Variants in SYNDIG1 observed in about 807,000 individuals in gnomAD.
The protein encoded by SYNDIG1 is synapse differentiation-inducing gene protein 1.
SYNDIG1 carries 9 observed loss-of-function variants against 19.4 expected under a neutral mutation model. The ratio of observed to expected loss-of-function variants is 0.46; its 90% CI spans 0.28 to 0.81. The LOEUF (loss-of-function observed/expected upper bound fraction) is 0.81. Ranked by LOEUF, SYNDIG1 falls within the 30% of genes least tolerant of loss-of-function variation. SYNDIG1 has a pLI of 0.12. For missense variants in SYNDIG1, 311 were observed against 343.3 expected (o/e 0.91, Z 0.74); for synonymous variants, 141 against 145.9 (o/e 0.97, Z 0.24).
intron 3 of SYNDIG1, among the ~76,000 whole-genome samples, chr20:24,663,751 A>G (rs62215351): frequency 0.075 from 11,494 of 152,280 alleles, 533 homozygotes; most frequent in Non-Finnish European, 0.098. Flanking sequence ...CAGCTGTAGC[A>G]GCTCCACCTT....
intron 2 of SYNDIG1, among the ~76,000 whole-genome samples, chr20:24,565,121 A>T (rs891114489): frequency 6.6e-6 from 1 of 152,208 alleles, no homozygotes; most frequent in Non-Finnish European, 1.5e-5. Flanking sequence ...CCATGTAGGC[A>T]AAAAGTAAGC....
chr20:24,535,385 C>T (rs1050186699), intron 1 of SYNDIG1, among the ~76,000 whole-genome samples: 5 of 152,182 alleles, frequency 3.3e-5, no homozygotes, highest in Non-Finnish European at 5.9e-5. Flanking sequence ...ATAGTTCCTT[C>T]CCAAATGGAA....
At chr20:24,489,602 A>G (rs2056088284) in intron 1 of SYNDIG1, among the ~76,000 whole-genome samples, 1 of 152,236 alleles carries the variant, frequency 6.6e-6, no homozygotes, top group South Asian at 2.1e-4. Flanking sequence ...GACCACACAC[A>G]GACACATACA....
At chr20:24,610,732 T>A (rs752087818) in intron 3 of SYNDIG1, among the ~76,000 whole-genome samples, 7 of 152,218 alleles carry the variant, frequency 4.6e-5, no homozygotes, top group Non-Finnish European at 8.8e-5. Flanking sequence ...GGCAGAGCCC[T>A]TCACGAAGCC....
At chr20:24,575,952 AC>A (rs2058221407) in intron 2 of SYNDIG1, among the ~76,000 whole-genome samples, 1 of 152,030 alleles carries the variant, frequency 6.6e-6, no homozygotes, top group African/African-American at 2.4e-5. Context: ...ACCCCCCACC[AC>A]CACTTGCCCC....
chr20:24,572,679 G>A (rs561582040), intron 2 of SYNDIG1, among the ~76,000 whole-genome samples: 2 of 152,218 alleles, frequency 1.3e-5, no homozygotes, highest in East Asian at 3.8e-4. Flanking sequence ...AAGAGATACA[G>A]TTGTGTTCAT....
intron 2 of SYNDIG1, among the ~76,000 whole-genome samples, chr20:24,562,210 T>C (rs139334971): frequency 1.3e-5 from 2 of 152,372 alleles, no homozygotes; most frequent in East Asian, 3.9e-4. Context: ...GCATCTCATT[T>C]TGTGCTGCCC....
chr20:24,504,706 G>A (rs1016042242), intron 1 of SYNDIG1, among the ~76,000 whole-genome samples: 3 of 152,228 alleles, frequency 2.0e-5, no homozygotes, highest in Admixed American at 6.5e-5. Flanking sequence ...CAGTCACGAG[G>A]GAACATAGAG....
At chr20:24,629,958 A>G (rs756127416) in intron 3 of SYNDIG1, among the ~76,000 whole-genome samples, 7 of 152,198 alleles carry the variant, frequency 4.6e-5, no homozygotes, top group Non-Finnish European at 7.4e-5. Context: ...AGGATATTCT[A>G]TACTTTGAGG....
rs2147420153 is a variant in SYNDIG1 at position 24,665,599 on chromosome 20, TGC to T, written c.*96_*97del. 6.7e-7 allele frequency: 1 copy of T among 1,495,762 alleles called. No homozygotes were observed. The highest frequency in any genetic ancestry group is 1.4e-5 in the African/African-American group (1 of 69,988). The allele number at this position is 1,495,762 out of a possible 1,614,324, so 92.7% of individuals were successfully genotyped here. A position where few individuals can be genotyped will look rare whatever the true frequency, so the allele number is the denominator to read the frequency against. On this transcript the variant is annotated 3_prime_UTR_variant, in exon 4 of 4. Transcript: ENST00000376862. Reference sequence around the variant, plus strand: ...CATGATGCTGTACAGTACAAATGATTGCCAAATGATGCCACGAAGCCCTGGGA... The same window carrying T: ...CATGATGCTGTACAGTACAAATGATTCAAATGATGCCACGAAGCCCTGGGA...
At chr20:24,564,575 T>C (rs573007745) in intron 2 of SYNDIG1, among the ~76,000 whole-genome samples, 1 of 152,162 alleles carries the variant, frequency 6.6e-6, no homozygotes, top group African/African-American at 2.4e-5. Context: ...AGAGGTGCGT[T>C]ATTTGTTGGA....
At chr20:24,517,878 T>C (rs1430843716) in intron 1 of SYNDIG1, among the ~76,000 whole-genome samples, 3 of 150,554 alleles carry the variant, frequency 2.0e-5, no homozygotes, top group Non-Finnish European at 4.4e-5. Context: ...CGATCTCGGC[T>C]CACTGCAAGC....
chr20:24,531,052 T>C (rs1443308662), intron 1 of SYNDIG1, among the ~76,000 whole-genome samples: 1 of 152,076 alleles, frequency 6.6e-6, no homozygotes, highest in African/African-American at 2.4e-5. Context: ...TCAGGCAGTC[T>C]GCCTGCCTCA....
intron 1 of SYNDIG1, among the ~76,000 whole-genome samples, chr20:24,477,056 C>T (rs1715709162): frequency 1.3e-5 from 2 of 152,226 alleles, no homozygotes; most frequent in South Asian, 4.1e-4. Context: ...TATCTGTTGA[C>T]TCAATATGTG....
At chr20:24,602,814 CTTAA>C (rs1354230918) in intron 3 of SYNDIG1, among the ~76,000 whole-genome samples, 1 of 152,074 alleles carries the variant, frequency 6.6e-6, no homozygotes, top group Non-Finnish European at 1.5e-5. Flanking sequence ...TTTCTGTTTC[CTTAA>C]TTGTTTATAC....
chr20:24,587,068 A>G (rs941936266), intron 3 of SYNDIG1, among the ~76,000 whole-genome samples: 1 of 152,222 alleles, frequency 6.6e-6, no homozygotes, highest in Admixed American at 6.5e-5. Context: ...GATACATTAG[A>G]TAGTGAAGAG....
At chr20:24,617,153 G>C (rs1011821669) in intron 3 of SYNDIG1, among the ~76,000 whole-genome samples, 4 of 152,278 alleles carry the variant, frequency 2.6e-5, no homozygotes, top group Admixed American at 1.3e-4. Context: ...GTGGCCGCCT[G>C]GGTGCTGTCC....
chr20:24,503,465 C>G (rs1015418793), intron 1 of SYNDIG1, among the ~76,000 whole-genome samples: 1 of 152,182 alleles, frequency 6.6e-6, no homozygotes, highest in Non-Finnish European at 1.5e-5. Flanking sequence ...GCATGACTCA[C>G]AGTGTCCACG....
intron 3 of SYNDIG1, among the ~76,000 whole-genome samples, chr20:24,604,163 G>A (rs1431410636): frequency 1.3e-5 from 2 of 151,610 alleles, no homozygotes; most frequent in Admixed American, 6.6e-5. Flanking sequence ...TGTACATTGT[G>A]TGGAACTGGA....
Sources: gnomAD v4.1 joint callset for allele counts (sites outside exome capture counted in the v4.1 genomes callset) on GRCh38, gnomAD v4.1.1 for gene constraint, MANE v1.5 for transcripts, NCBI Gene and HGNC (gene_info 2026-07-23, HGNC 2026-07-21) for gene names.